The following CPNE8 variants were observed in gnomAD, a reference collection of about 807,000 sequenced individuals.
The protein encoded by CPNE8 is copine-8.
In CPNE8, 45 loss-of-function variants were observed where a neutral mutation model predicts 81.5. The observed-to-expected ratio is 0.55, with a 90% confidence interval of 0.44 to 0.71. The LOEUF (loss-of-function observed/expected upper bound fraction) is 0.71. Ranked by LOEUF, CPNE8 falls within the 30% of genes least tolerant of loss-of-function variation. The pLI, the probability that CPNE8 is intolerant of heterozygous loss-of-function variation, is 0.00. For missense variants in CPNE8, 594 were observed against 672.1 expected, an observed-to-expected ratio of 0.88 and a Z score of 1.28; for synonymous variants, 252 against 226.3, an observed-to-expected ratio of 1.11 and a Z score of -1.02.
intron 15 of CPNE8, 149 bp downstream of exon 15, chr12:38,693,508 G>A (rs1799539679): frequency 1.7e-6 from 1 of 603,774 alleles, no homozygotes; most frequent in Non-Finnish European, 2.7e-6. Context: ...TTCCCATTAA[G>A]TTCACACTCC....
chr12:38,851,948 C>T (rs1943653718), intron 3 of CPNE8, among the ~76,000 whole-genome samples: 1 of 152,104 alleles, frequency 6.6e-6, no homozygotes, highest in African/African-American at 2.4e-5. Context: ...CTGCTATTTC[C>T]TCTTACTAGA....
At chr12:38,825,184 G>A (rs1177880471) in intron 6 of CPNE8, among the ~76,000 whole-genome samples, 6 of 152,118 alleles carry the variant, frequency 3.9e-5, no homozygotes, top group East Asian at 3.9e-4. Flanking sequence ...TGGAGGCTTC[G>A]AAGTTGTGTT....
At chr12:38,688,194 T>C (rs1378194649) in intron 15 of CPNE8, among the ~76,000 whole-genome samples, 4 of 152,196 alleles carry the variant, frequency 2.6e-5, no homozygotes, top group Non-Finnish European at 4.4e-5. Context: ...TATCACTATT[T>C]CTCTGGAATT....
chr12:38,700,839 C>T (rs191208595), intron 14 of CPNE8, among the ~76,000 whole-genome samples: 1 of 152,164 alleles, frequency 6.6e-6, no homozygotes, highest in East Asian at 1.9e-4. Flanking sequence ...AAGGGGAGTT[C>T]CCTTGCAAAT....
intron 3 of CPNE8, among the ~76,000 whole-genome samples, chr12:38,861,882 G>C (rs956541550): frequency 6.6e-6 from 1 of 150,452 alleles, no homozygotes; most frequent in Non-Finnish European, 1.5e-5. Flanking sequence ...ATTACTTACA[G>C]AATTAAGACT....
At chr12:38,708,307 C>T (rs1324659189) in intron 13 of CPNE8, among the ~76,000 whole-genome samples, 1 of 151,818 alleles carries the variant, frequency 6.6e-6, no homozygotes, top group Non-Finnish European at 1.5e-5. Context: ...AACGTCATTA[C>T]CCTTTTTCAT....
intron 6 of CPNE8, among the ~76,000 whole-genome samples, chr12:38,811,768 A>T (rs1942940269): frequency 6.6e-6 from 1 of 152,176 alleles, no homozygotes; most frequent in South Asian, 2.1e-4. Flanking sequence ...GCTATTTGGG[A>T]GGCTGAGGCA....
In CPNE8 at chr12:38,873,006, C is replaced by T; in HGVS notation, c.184G>A (p.Glu62Lys). ...TTTTAAAAAAGTTTTAAACTTACCTCTCTCCATTCTTTATTTCCAACTCCT... is the reference window on the plus strand; with the variant it reads ...TTTTAAAAAAGTTTTAAACTTACCTTTCTCCATTCTTTATTTCCAACTCCT... ...VQGVGNKEWR[E>K]FGRTEVIDNT... The change falls in exon 3 of 20, where the codon GAG (glutamate) becomes AAG (lysine). Residue 62 changes from glutamate (E) to lysine (K), a missense_variant and splice_region_variant. Coordinates refer to ENST00000331366, the MANE Select transcript of CPNE8 (RefSeq NM_153634.3). 1 of 1,529,788 alleles carries T rather than the reference C, an allele frequency of 6.5e-7. No individual in the cohort carries two copies. Among genetic ancestry groups the T allele is most frequent in the Non-Finnish European group, 9.0e-7 (1 of 1,107,764 alleles). 94.8% of individuals were successfully genotyped at this position (1,529,788 alleles called of 1,614,324 possible).
intron 1 of CPNE8, among the ~76,000 whole-genome samples, chr12:38,886,370 A>T (rs1232642804): frequency 1.3e-5 from 2 of 152,250 alleles, no homozygotes; most frequent in African/African-American, 4.8e-5. Context: ...TGCTTAGAGC[A>T]AACCCAGCAT....
intron 14 of CPNE8, among the ~76,000 whole-genome samples, chr12:38,699,036 T>C (rs570569815): frequency 6.6e-6 from 1 of 152,362 alleles, no homozygotes; most frequent in South Asian, 2.1e-4. Context: ...TTTAAATCTG[T>C]AGATCACTCT....
intron 1 of CPNE8, among the ~76,000 whole-genome samples, chr12:38,882,264 G>A (rs1401884879): frequency 6.6e-6 from 1 of 152,172 alleles, no homozygotes; most frequent in African/African-American, 2.4e-5. Context: ...GACAGTGACA[G>A]CACAGAGAGA....
intron 6 of CPNE8, among the ~76,000 whole-genome samples, 197 bp from the exon 7 acceptor site, chr12:38,776,498 T>A (rs965800316): frequency 2.6e-5 from 4 of 151,786 alleles, no homozygotes; most frequent in Non-Finnish European, 1.5e-5. Flanking sequence ...TTAGCAGAGA[T>A]GGGGTTTCGC....
chr12:38,746,932 G>A (rs554461033), intron 10 of CPNE8, among the ~76,000 whole-genome samples: 1 of 152,214 alleles, frequency 6.6e-6, no homozygotes, highest in East Asian at 1.9e-4. Context: ...AAATGAATGA[G>A]GAAACATCTA....
chr12:38,795,201 G>A (rs557881750), intron 6 of CPNE8, among the ~76,000 whole-genome samples: 7 of 152,248 alleles, frequency 4.6e-5, no homozygotes, highest in Non-Finnish European at 5.9e-5. Flanking sequence ...ACCACTTATC[G>A]TGCAACTTCA....
intron 13 of CPNE8, among the ~76,000 whole-genome samples, chr12:38,706,886 A>G (rs1460243161): frequency 1.3e-5 from 2 of 152,230 alleles, no homozygotes; most frequent in Admixed American, 1.3e-4. Context: ...GCTTCCTAGA[A>G]GCACTGGTTG....
intron 3 of CPNE8, among the ~76,000 whole-genome samples, chr12:38,865,098 A>G (rs372620368): frequency 8.5e-5 from 13 of 152,204 alleles, no homozygotes; most frequent in African/African-American, 2.9e-4. Flanking sequence ...TCATCGGCAA[A>G]TCAAAAAACA....
chr12:38,902,332 GAA>G (rs1300806994), intron 1 of CPNE8, among the ~76,000 whole-genome samples: 12 of 61,326 alleles, frequency 2.0e-4, no homozygotes, highest in Non-Finnish European at 3.5e-4. Context: ...AAGAAAGAAA[GAA>G]AGAAAGAAAG....
chr12:38,790,138 T>C (rs1396662090), intron 6 of CPNE8, among the ~76,000 whole-genome samples: 1 of 151,776 alleles, frequency 6.6e-6, no homozygotes, highest in Non-Finnish European at 1.5e-5. Context: ...AATCAGTATA[T>C]CAAAGACATA....
rs745624890 is a variant in CPNE8, at chr12:38,723,756, T to C, written c.914+16A>G. 11 of 1,528,766 alleles carry C rather than the reference T, an allele frequency of 7.2e-6. No individual in the cohort carries two copies. The highest frequency in any genetic ancestry group is 9.9e-6 in the Non-Finnish European group (11 of 1,106,034). 94.7% of individuals were successfully genotyped at this position (1,528,766 alleles called of 1,614,324 possible). A position where few individuals can be genotyped will look rare whatever the true frequency, so the allele number is the denominator to read the frequency against. ...GAAATGCCTAAGCAACGAAACAATT[T>C]GAGAGAATTACTTACCCTCCCTTAA... is the stretch of plus-strand genomic sequence containing the variant. On this transcript the variant is annotated intron_variant, in intron 13 of 19. Transcript: ENST00000331366.
Sources: allele counts gnomAD v4.1 joint callset (sites outside exome capture counted in the v4.1 genomes callset), GRCh38; gene constraint gnomAD v4.1.1; transcripts MANE v1.5; gene names NCBI Gene and HGNC (gene_info 2026-07-23, HGNC 2026-07-21).